GNA14: variants seen among roughly 807,000 people sequenced by gnomAD.
The protein encoded by GNA14 is G protein subunit alpha 14, also known as guanine nucleotide-binding protein subunit alpha-14.
A neutral mutation model predicts 42.0 loss-of-function variants in GNA14; 50 were observed. The ratio of observed to expected loss-of-function variants is 1.19; its 90% confidence interval spans 0.95 to 1.51. GNA14 has a LOEUF of 1.51. Among genes scored for constraint, GNA14 ranks in the 40% most tolerant of loss-of-function variants. GNA14 has a pLI of 0.00. For synonymous variants in GNA14, 173 were observed against 163.1 expected (o/e 1.06, Z -0.46); for missense variants, 473 against 446.2 (o/e 1.06, Z -0.54).
chr9:77,472,363 T>C (rs910793411), intron 2 of GNA14, among the ~76,000 whole-genome samples: 5 of 152,122 alleles, frequency 3.3e-5, no homozygotes, highest in African/African-American at 1.2e-4. Context: ...AATGATATGA[T>C]GGAAAACTGC....
chr9:77,489,906 G>C (rs924232956), intron 2 of GNA14, among the ~76,000 whole-genome samples: 1 of 152,118 alleles, frequency 6.6e-6, no homozygotes, highest in African/African-American at 2.4e-5. Flanking sequence ...AAGGGGACCG[G>C]AGCAGGTTGC....
Position 77,431,268 on chromosome 9 carries a change from G to A in GNA14, c.593+53C>T, listed in dbSNP as rs1835546978. ...ATAACACGTTTAAGAATCCACCTGG[G>A]GACTTCCAAGCCTGGGCAGATTCTT... On this transcript the variant is annotated intron_variant, in intron 4 of 6. Transcript: ENST00000341700. 6 of 1,554,694 alleles carry A rather than the reference G, an allele frequency of 3.9e-6. No individual in the cohort carries two copies. In the African/African-American group the frequency reaches 4.1e-5, roughly 11 times the overall value.
chr9:77,481,454 G>A (rs1451725220), intron 2 of GNA14, among the ~76,000 whole-genome samples: 4 of 152,188 alleles, frequency 2.6e-5, no homozygotes, highest in African/African-American at 9.7e-5. Context: ...TTGCTGAGGA[G>A]TGCTTTACTT....
chr9:77,455,627 A>G (rs566720550), intron 2 of GNA14, among the ~76,000 whole-genome samples: 325 of 152,242 alleles, frequency 2.1e-3, no homozygotes, highest in African/African-American at 7.5e-3. Context: ...GATACCTCAT[A>G]TAGGGTTATT....
Position 77,647,819 on chromosome 9 carries a change from G to T in GNA14, c.-26C>A, listed in dbSNP as rs374751150. The stretch of plus-strand genomic sequence containing the variant: ...GGTGCGCTCAGCTCAGTACCCGACG[G>T]GGCGACGCGGCCCCGGGCACCCGAA... On this transcript the variant is annotated 5_prime_UTR_variant, in exon 1 of 7. Coordinates refer to ENST00000341700, the MANE Select transcript of GNA14 (RefSeq NM_004297.4). 14 of 1,598,286 alleles carry T rather than the reference G, an allele frequency of 8.8e-6. No homozygotes were observed. The highest frequency in any genetic ancestry group is 1.7e-4 in the Middle Eastern group (1 of 6,028).
chr9:77,446,568 C>T (rs1259833367), intron 2 of GNA14, among the ~76,000 whole-genome samples: 2 of 152,162 alleles, frequency 1.3e-5, no homozygotes, highest in African/African-American at 4.8e-5. Flanking sequence ...ACCTCCAAAA[C>T]CTCCCATGCA....
chr9:77,632,173 C>T (rs578223364), intron 1 of GNA14, among the ~76,000 whole-genome samples: 11 of 152,346 alleles, frequency 7.2e-5, no homozygotes, highest in African/African-American at 2.6e-4. Context: ...TTGGCACCCA[C>T]TCCAATCTCA....
At chr9:77,607,151 G>A (rs1433127727) in intron 1 of GNA14, among the ~76,000 whole-genome samples, 1 of 152,152 alleles carries the variant, frequency 6.6e-6, no homozygotes, top group East Asian at 1.9e-4. Flanking sequence ...GTAAAATAAT[G>A]GATTTGCACA....
chr9:77,489,317 G>A (rs550779333), intron 2 of GNA14, among the ~76,000 whole-genome samples: 2 of 152,256 alleles, frequency 1.3e-5, no homozygotes, highest in East Asian at 3.9e-4. Context: ...AATTATTGGT[G>A]TTCAAGAGGA....
chr9:77,550,358 C>A (rs1469521721), intron 1 of GNA14, among the ~76,000 whole-genome samples: 1 of 152,170 alleles, frequency 6.6e-6, no homozygotes, highest in Non-Finnish European at 1.5e-5. Flanking sequence ...ACAGAGAAAG[C>A]CTTCACCTTC....
At chr9:77,541,622 A>G (rs551201578) in intron 1 of GNA14, among the ~76,000 whole-genome samples, 1 of 152,294 alleles carries the variant, frequency 6.6e-6, no homozygotes, top group South Asian at 2.1e-4. Context: ...TTCATTAAAT[A>G]TGTTTTCTAA....
At chr9:77,612,034 T>C (rs746799836) in intron 1 of GNA14, among the ~76,000 whole-genome samples, 1 of 152,116 alleles carries the variant, frequency 6.6e-6, no homozygotes, top group African/African-American at 2.4e-5. Flanking sequence ...TCACTAATAA[T>C]AACAATATTG....
intron 5 of GNA14, among the ~76,000 whole-genome samples, chr9:77,427,717 C>CA (rs1835475170): frequency 6.6e-6 from 1 of 152,214 alleles, no homozygotes; most frequent in Admixed American, 6.5e-5. Context: ...TGGAAGCAGC[C>CA]AGTGCTATGG....
At chr9:77,434,134 C>A (rs1466239183) in intron 3 of GNA14, among the ~76,000 whole-genome samples, 3 of 152,162 alleles carry the variant, frequency 2.0e-5, no homozygotes, top group African/African-American at 7.2e-5. Context: ...TAGAACACAG[C>A]AAGAGCAGGC....
intron 2 of GNA14, among the ~76,000 whole-genome samples, chr9:77,481,214 C>T (rs939140843): frequency 3.3e-5 from 5 of 152,158 alleles, no homozygotes; most frequent in Non-Finnish European, 7.3e-5. Context: ...CTACTCACTG[C>T]TTTGAATGTG....
intron 2 of GNA14, among the ~76,000 whole-genome samples, chr9:77,467,421 T>C (rs1836255034): frequency 6.6e-6 from 1 of 151,712 alleles, no homozygotes; most frequent in African/African-American, 2.4e-5. Flanking sequence ...CAGCCTTGTG[T>C]ACACCACGCT....
At chr9:77,495,620 TTGAG>T (rs893285771) in intron 2 of GNA14, among the ~76,000 whole-genome samples, 1 of 152,182 alleles carries the variant, frequency 6.6e-6, no homozygotes, top group African/African-American at 2.4e-5. Context: ...TTTGACAAAA[TTGAG>T]TGATAGGTAC....
intron 2 of GNA14, among the ~76,000 whole-genome samples, chr9:77,486,796 C>T (rs1836667542): frequency 6.6e-6 from 1 of 152,098 alleles, no homozygotes; most frequent in African/African-American, 2.4e-5. Flanking sequence ...TATTGACTGT[C>T]TTCTTACATG....
At chr9:77,644,438 A>C (rs796073728) in intron 1 of GNA14, among the ~76,000 whole-genome samples, 904 of 60,820 alleles carry the variant, frequency 0.015, 8 homozygotes, top group African/African-American at 0.061. Context: ...AAAGAGTGTC[A>C]AAAAAAAAAA....
Sources: gnomAD v4.1 joint callset for allele counts (sites outside exome capture counted in the v4.1 genomes callset) on GRCh38, gnomAD v4.1.1 for gene constraint, MANE v1.5 for transcripts, NCBI Gene and HGNC (gene_info 2026-07-23, HGNC 2026-07-21) for gene names.